Variants in GFRA1 observed in about 807,000 individuals in gnomAD.
GFRA1 encodes the protein GDNF family receptor alpha 1, also known as GDNF family receptor alpha-1.
In GFRA1, 16 loss-of-function variants were observed where a neutral mutation model predicts 51.6. The ratio of observed to expected loss-of-function variants is 0.31; its 90% CI spans 0.21 to 0.47. The LOEUF (loss-of-function observed/expected upper bound fraction) is 0.47. GFRA1 is among the 20% of genes least tolerant of loss of function. GFRA1 has a pLI of 1.00. For synonymous variants in GFRA1, 270 were observed against 241.3 expected (o/e 1.12, Z -1.10); for missense variants, 530 against 594.3 (o/e 0.89, Z 1.13).
chr10:116,256,148 T>C (rs1423505510), intron 4 of GFRA1, among the ~76,000 whole-genome samples: 1 of 152,148 alleles, frequency 6.6e-6, no homozygotes, highest in Non-Finnish European at 1.5e-5. Context: ...ATTAGCCCCA[T>C]TTACACATAC....
intron 9 of GFRA1, among the ~76,000 whole-genome samples, chr10:116,082,158 C>T (rs755825612): frequency 3.3e-5 from 5 of 152,230 alleles, no homozygotes; most frequent in African/African-American, 4.8e-5. Flanking sequence ...AGAGATGTGG[C>T]GGGGACCGTG....
intron 4 of GFRA1, among the ~76,000 whole-genome samples, chr10:116,215,426 G>C (rs1030140363): frequency 1.3e-5 from 2 of 152,084 alleles, no homozygotes; most frequent in Non-Finnish European, 2.9e-5. Flanking sequence ...AAATCAAAAG[G>C]CCTCGAATTT....
intron 5 of GFRA1, among the ~76,000 whole-genome samples, chr10:116,149,072 T>C (rs908478157): frequency 6.6e-6 from 1 of 152,174 alleles, no homozygotes; most frequent in Non-Finnish European, 1.5e-5. Flanking sequence ...GTAAGTTCTC[T>C]GGATCAACTA....
chr10:116,178,858 G>C (rs1402672363), intron 5 of GFRA1, among the ~76,000 whole-genome samples: 1 of 152,054 alleles, frequency 6.6e-6, no homozygotes, highest in Non-Finnish European at 1.5e-5. Flanking sequence ...ATCTTCTCTG[G>C]GGCACTAAGA....
intron 4 of GFRA1, among the ~76,000 whole-genome samples, chr10:116,239,228 G>T (rs1247593047): frequency 6.6e-6 from 1 of 152,180 alleles, no homozygotes; most frequent in African/African-American, 2.4e-5. Context: ...TGCATGACTT[G>T]TATTTCTCAT....
intron 5 of GFRA1, among the ~76,000 whole-genome samples, chr10:116,137,202 C>T (rs966743570): frequency 3.3e-5 from 5 of 152,020 alleles, no homozygotes; most frequent in African/African-American, 4.8e-5. Flanking sequence ...GTTCTGGCCT[C>T]GGTATGCATA....
chr10:116,061,782 A>T lies in GFRA1; in HGVS notation c.*2616T>A. ...CTTTTAAGCACGCCAAGAAGAAGTG[A>T]GACAGGTAAATGATTTAACTTATTG... On this transcript the variant is annotated 3_prime_UTR_variant, in exon 11 of 11. Transcript: ENST00000355422. The T allele has an allele frequency of 2.6e-6, 1 of 391,108 alleles. No individual in the cohort carries two copies. Among genetic ancestry groups the T allele is most frequent in the Non-Finnish European group, 4.5e-6 (1 of 221,642 alleles). The allele number at this position is 391,108 out of a possible 1,614,324, so 24.2% of individuals were successfully genotyped here. A position where few individuals can be genotyped will look rare whatever the true frequency, so the allele number is the denominator to read the frequency against.
At chr10:116,161,823 A>C (rs1959836828) in intron 5 of GFRA1, among the ~76,000 whole-genome samples, 1 of 152,214 alleles carries the variant, frequency 6.6e-6, no homozygotes, top group South Asian at 2.1e-4. Context: ...ATGTTTTATT[A>C]GCGTGTGAAA....
At chr10:116,114,848 C>T (rs1241126493) in intron 6 of GFRA1, among the ~76,000 whole-genome samples, 3 of 152,200 alleles carry the variant, frequency 2.0e-5, no homozygotes, top group African/African-American at 7.2e-5. Flanking sequence ...ATGGCAGGCA[C>T]ATGCTGAGGT....
At chr10:116,212,418 G>C (rs1446070589) in intron 4 of GFRA1, among the ~76,000 whole-genome samples, 1 of 151,980 alleles carries the variant, frequency 6.6e-6, no homozygotes, top group African/African-American at 2.4e-5. Flanking sequence ...TACTCGGGAG[G>C]CTGAGGCAGG....
intron 5 of GFRA1, among the ~76,000 whole-genome samples, chr10:116,179,473 T>C (rs1351159989): frequency 6.6e-6 from 1 of 152,180 alleles, no homozygotes; most frequent in African/African-American, 2.4e-5. Flanking sequence ...GGAGATGAAG[T>C]GACTAGCCCA....
At chr10:116,094,695 A>G (rs150675722) in intron 7 of GFRA1, among the ~76,000 whole-genome samples, 9 of 152,348 alleles carry the variant, frequency 5.9e-5, no homozygotes, top group African/African-American at 2.2e-4. Flanking sequence ...TTGGATCACA[A>G]ACAGAAAAAT....
intron 6 of GFRA1, among the ~76,000 whole-genome samples, chr10:116,104,461 G>A (rs1216119102): frequency 6.6e-6 from 1 of 152,212 alleles, no homozygotes; most frequent in Non-Finnish European, 1.5e-5. Context: ...ACTGCACTCT[G>A]AGCCTGACTC....
chr10:116,092,860 A>G (rs561480975), intron 8 of GFRA1, among the ~76,000 whole-genome samples: 14 of 152,320 alleles, frequency 9.2e-5, no homozygotes, highest in African/African-American at 3.4e-4. Context: ...CGGCTGCCAC[A>G]GAGTGGGTTG....
At chr10:116,251,629 T>G (rs1314771397) in intron 4 of GFRA1, among the ~76,000 whole-genome samples, 1 of 152,192 alleles carries the variant, frequency 6.6e-6, no homozygotes, top group Non-Finnish European at 1.5e-5. Flanking sequence ...AATGCCAGCC[T>G]TCCAGGAGTT....
chr10:116,253,419 C>A (rs1289021733), intron 4 of GFRA1, among the ~76,000 whole-genome samples: 1 of 152,086 alleles, frequency 6.6e-6, no homozygotes, highest in African/African-American at 2.4e-5. Flanking sequence ...ACCAGCCTGA[C>A]CAACATGGTG....
At chr10:116,237,025 AGTAATATATGTATATGCACTACAT>A (rs1267565930) in intron 4 of GFRA1, among the ~76,000 whole-genome samples, 1 of 152,258 alleles carries the variant, frequency 6.6e-6, no homozygotes, top group African/African-American at 2.4e-5. Flanking sequence ...TTTTATAAGA[AGTAATATATGTATATGCACTACAT>A]GTAATATATG....
intron 5 of GFRA1, among the ~76,000 whole-genome samples, chr10:116,160,664 A>G (rs1959663091): frequency 1.3e-5 from 2 of 152,226 alleles, no homozygotes; most frequent in South Asian, 2.1e-4. Context: ...ACTGTCCTAA[A>G]TGGGTTGGAG....
intron 5 of GFRA1, among the ~76,000 whole-genome samples, chr10:116,172,565 T>G (rs1454524745): frequency 6.6e-6 from 1 of 151,828 alleles, no homozygotes; most frequent in Non-Finnish European, 1.5e-5. Context: ...GAAGGAAGAA[T>G]GGGTTGGGGG....
Sources: gnomAD v4.1 joint callset for allele counts (sites outside exome capture counted in the v4.1 genomes callset) on GRCh38, gnomAD v4.1.1 for gene constraint, MANE v1.5 for transcripts, NCBI Gene and HGNC (gene_info 2026-07-23, HGNC 2026-07-21) for gene names.